ATP8A2: variants seen among roughly 807,000 people sequenced by gnomAD.
ATP8A2 encodes phospholipid-transporting ATPase IB.
ATP8A2 carries 100 observed loss-of-function variants against 165.6 expected under a neutral mutation model. The observed-to-expected ratio is 0.60, with a 90% CI of 0.51 to 0.71. ATP8A2 has a LOEUF of 0.71. ATP8A2 is among the 30% of genes least tolerant of loss of function. ATP8A2 has a pLI of 0.00. For synonymous variants in ATP8A2, 543 were observed against 548.8 expected (o/e 0.99, Z 0.15); for missense variants, 1,227 against 1,479.5 (o/e 0.83, Z 2.80).
At chr13:25,991,917 T>G (rs1956404645) in intron 35 of ATP8A2, among the ~76,000 whole-genome samples, 1 of 151,698 alleles carries the variant, frequency 6.6e-6, no homozygotes, top group Non-Finnish European at 1.5e-5. Flanking sequence ...TTAGGTTTTT[T>G]TTTTTTTTTC....
intron 33 of ATP8A2, chr13:25,950,828 G>C (rs9783546): frequency 0.054 from 8,282 of 152,368 alleles, 713 homozygotes; most frequent in African/African-American, 0.18. Flanking sequence ...AGCCTCCTCT[G>C]TAGAGCTTGT....
chr13:25,717,563 A>G (rs1009439650), intron 25 of ATP8A2, among the ~76,000 whole-genome samples: 4 of 152,190 alleles, frequency 2.6e-5, no homozygotes, highest in African/African-American at 9.7e-5. Context: ...TGCTACTTTA[A>G]TGTACTTCTT....
chr13:25,480,553 A>T (rs57161888), intron 2 of ATP8A2, among the ~76,000 whole-genome samples: 23 of 143,476 alleles, frequency 1.6e-4, no homozygotes, highest in African/African-American at 4.4e-4. Context: ...ACATCTCAGA[A>T]GATGGGCGGC....
chr13:25,706,699 C>A (rs1476163881), intron 25 of ATP8A2, among the ~76,000 whole-genome samples: 1 of 152,142 alleles, frequency 6.6e-6, no homozygotes, highest in Non-Finnish European at 1.5e-5. Flanking sequence ...GATTTCTCAG[C>A]ATCATGAACG....
chr13:25,590,370 A>G (rs990619334), intron 24 of ATP8A2, among the ~76,000 whole-genome samples: 1 of 152,172 alleles, frequency 6.6e-6, no homozygotes, highest in African/African-American at 2.4e-5. Context: ...TGCTACAGTG[A>G]GCCGTGATCG....
intron 33 of ATP8A2, among the ~76,000 whole-genome samples, chr13:25,891,337 G>T (rs1231816545): frequency 6.6e-6 from 1 of 151,944 alleles, no homozygotes. Context: ...GTTTTGTTTT[G>T]TTTGAGACAC....
chr13:25,387,479 T>G (rs59848952), intron 1 of ATP8A2, among the ~76,000 whole-genome samples: 7,162 of 152,116 alleles, frequency 0.047, 319 homozygotes, highest in East Asian at 0.14. Context: ...GAGCCTGGGT[T>G]TAATGGTGGT....
chr13:25,660,755 G>A (rs894448565), intron 24 of ATP8A2, among the ~76,000 whole-genome samples: 1 of 152,166 alleles, frequency 6.6e-6, no homozygotes, highest in East Asian at 1.9e-4. Flanking sequence ...AGCAGGGGCT[G>A]TCACAACAAC....
Position 25,551,326 on chromosome 13 carries a change from G to T in ATP8A2, c.892-12G>T. 1 of 1,609,094 alleles carries T rather than the reference G, an allele frequency of 6.2e-7. No individual in the cohort carries two copies. Among genetic ancestry groups the T allele is most frequent in the South Asian group, 1.1e-5 (1 of 90,726 alleles). On this transcript the variant is annotated splice_polypyrimidine_tract_variant and intron_variant, in intron 10 of 36. Coordinates refer to ENST00000381655, the MANE Select transcript of ATP8A2 (RefSeq NM_016529.6). ...TCTGTGACCCTTACTGACTTTCAAT[G>T]CTGTTGTGTAGAATTCAACCAAAGC... is the stretch of plus-strand genomic sequence containing the variant.
intron 24 of ATP8A2, among the ~76,000 whole-genome samples, chr13:25,622,509 A>G (rs185321608): frequency 6.6e-6 from 1 of 152,276 alleles, no homozygotes; most frequent in Admixed American, 6.5e-5. Context: ...ACTTTGGGAA[A>G]TGGTGAAATA....
intron 10 of ATP8A2, among the ~76,000 whole-genome samples, chr13:25,550,372 A>T (rs1329915963): frequency 6.6e-6 from 1 of 152,120 alleles, no homozygotes; most frequent in Non-Finnish European, 1.5e-5. Flanking sequence ...CTGGTGGAGG[A>T]GGGGGTGGTC....
Position 25,447,091 on chromosome 13 carries a change from T to G in ATP8A2, c.77-21886T>G, listed in dbSNP as rs189236299. On this transcript the variant is annotated intron_variant, in intron 1 of 36. Coordinates refer to ENST00000381655, the MANE Select transcript of ATP8A2 (RefSeq NM_016529.6). Reference sequence around the variant, plus strand: ...ATTGCGTTAAATGTTAACTTCAAATTGCTTTTTAGACTAAGCAAACAAACT... The same window carrying G: ...ATTGCGTTAAATGTTAACTTCAAATGGCTTTTTAGACTAAGCAAACAAACT... Among the ~76,000 whole-genome samples the G allele has an allele frequency of 2.9e-4, 44 of 152,296 alleles. 1 individual carries two copies. The East Asian group carries it at 6.6e-3, about 23-fold the overall frequency.
intron 24 of ATP8A2, among the ~76,000 whole-genome samples, chr13:25,631,989 C>T (rs560247022): frequency 2.0e-5 from 3 of 152,124 alleles, no homozygotes; most frequent in Non-Finnish European, 4.4e-5. Context: ...AGGCTCTCCC[C>T]GACCTTAGAA....
chr13:25,557,985 C>T (rs2138096242), intron 13 of ATP8A2, among the ~76,000 whole-genome samples: 1 of 152,102 alleles, frequency 6.6e-6, no homozygotes, highest in South Asian at 2.1e-4. Flanking sequence ...CTCACTGCAA[C>T]CTCTGCCTCC....
chr13:25,757,494 C>T (rs2044287489), intron 25 of ATP8A2, among the ~76,000 whole-genome samples: 3 of 114,304 alleles, frequency 2.6e-5, no homozygotes, highest in Middle Eastern at 4.4e-3. Context: ...TTCAGTGTAA[C>T]GATATACTAT....
At chr13:25,883,718 A>C (rs1175943244) in intron 33 of ATP8A2, among the ~76,000 whole-genome samples, 1 of 152,180 alleles carries the variant, frequency 6.6e-6, no homozygotes. Flanking sequence ...TGTCACAGCC[A>C]GAGAAAGACC....
At chr13:25,665,989 C>T (rs2042145555) in intron 24 of ATP8A2, among the ~76,000 whole-genome samples, 1 of 150,702 alleles carries the variant, frequency 6.6e-6, no homozygotes, top group South Asian at 2.1e-4. Flanking sequence ...TGCTGTTTCT[C>T]TTTTTTAGTT....
At chr13:25,551,117 A>T (rs979430235) in intron 10 of ATP8A2, among the ~76,000 whole-genome samples, 1 of 152,224 alleles carries the variant, frequency 6.6e-6, no homozygotes, top group Non-Finnish European at 1.5e-5. Context: ...TAATGTTGGA[A>T]TGTGTTCTTT....
intron 16 of ATP8A2, among the ~76,000 whole-genome samples, chr13:25,568,051 C>T (rs1360576402): frequency 6.6e-6 from 1 of 152,248 alleles, no homozygotes; most frequent in African/African-American, 2.4e-5. Flanking sequence ...TTACTTTCCT[C>T]CCAAGGGAAT....
Sources: gnomAD v4.1 joint callset for allele counts (sites outside exome capture counted in the v4.1 genomes callset) on GRCh38, gnomAD v4.1.1 for gene constraint, MANE v1.5 for transcripts, NCBI Gene and HGNC (gene_info 2026-07-23, HGNC 2026-07-21) for gene names.